The following CNOT6 variants were observed in gnomAD, a reference collection of about 807,000 sequenced individuals.
The protein encoded by CNOT6 is carbon catabolite repression 4 protein.
A neutral mutation model predicts 61.2 loss-of-function variants in CNOT6; 12 were observed. That is an observed-to-expected ratio of 0.20 (90% CI 0.13 to 0.32). The LOEUF (loss-of-function observed/expected upper bound fraction) is 0.32. Ranked by LOEUF, CNOT6 falls within the 10% of genes least tolerant of loss-of-function variation. CNOT6 has a pLI of 1.00. For missense variants in CNOT6, 405 were observed against 663.9 expected, an observed-to-expected ratio of 0.61 and a Z score of 4.28; for synonymous variants, 225 against 240.6, an observed-to-expected ratio of 0.94 and a Z score of 0.60.
At chr5:180,502,321 C>T (rs1379327497) in intron 1 of CNOT6, among the ~76,000 whole-genome samples, 1 of 152,090 alleles carries the variant, frequency 6.6e-6, no homozygotes. Flanking sequence ...TAGAGATTAT[C>T]TGATGTAAAA....
At chr5:180,504,736 C>G (rs962757525) in intron 1 of CNOT6, among the ~76,000 whole-genome samples, 4 of 152,128 alleles carry the variant, frequency 2.6e-5, no homozygotes, top group Non-Finnish European at 5.9e-5. Flanking sequence ...AGTGGGCAGA[C>G]TTTAAAGAGA....
chr5:180,501,861 G>C (rs564589637), intron 1 of CNOT6, among the ~76,000 whole-genome samples: 3 of 152,280 alleles, frequency 2.0e-5, no homozygotes, highest in African/African-American at 7.2e-5. Context: ...TCATCATTGT[G>C]CCCAGGTTTA....
At chr5:180,532,513 T>C (rs1758443999) in intron 2 of CNOT6, among the ~76,000 whole-genome samples, 1 of 152,160 alleles carries the variant, frequency 6.6e-6, no homozygotes, top group South Asian at 2.1e-4. Flanking sequence ...CCCATGTTTT[T>C]TCTTTGCTCT....
intron 1 of CNOT6, among the ~76,000 whole-genome samples, chr5:180,523,673 A>G (rs1446533511): frequency 6.6e-6 from 1 of 151,884 alleles, no homozygotes; most frequent in Non-Finnish European, 1.5e-5. Context: ...ACTTTACTTC[A>G]TATTCTGCTA....
intron 2 of CNOT6, among the ~76,000 whole-genome samples, chr5:180,536,436 C>T (rs1758704093): frequency 6.6e-6 from 1 of 152,074 alleles, no homozygotes; most frequent in Non-Finnish European, 1.5e-5. Flanking sequence ...TGTGCAGAAA[C>T]TTCTTAATGT....
At position 180,577,157 on chromosome 5, in the gene CNOT6, C is replaced by T. The variant is rs1430186721; in HGVS notation, c.*2957C>T. On this transcript the variant is annotated 3_prime_UTR_variant, in exon 12 of 12. Transcript: ENST00000261951. ...TCCCAAAGATAGGCAGAGAACATCT[C>T]CAGAAATGTGTGTGTGTGTGTGTGT... 2 of 66,906 alleles carry T rather than the reference C, an allele frequency of 3.0e-5. No individual in the cohort carries two copies. The highest frequency in any genetic ancestry group is 3.6e-5 in the Non-Finnish European group (1 of 28,022). 4.1% of individuals were successfully genotyped at this position (66,906 alleles called of 1,614,324 possible).
chr5:180,496,841 C>T (rs1034766099), intron 1 of CNOT6, among the ~76,000 whole-genome samples: 20 of 152,128 alleles, frequency 1.3e-4, no homozygotes, highest in African/African-American at 4.8e-4. Flanking sequence ...GCAGCCCAAG[C>T]GGCTCCTCTT....
chr5:180,564,795 C>CAGTCTCTA lies in CNOT6; in HGVS notation c.559+52_559+53insAGTCTCTA, dbSNP rs1760372103. 3.0e-6 allele frequency: 4 copies of CAGTCTCTA among 1,314,150 alleles called. No homozygotes were observed. The East Asian group carries it at 9.2e-5, about 30-fold the overall frequency. 81.4% of individuals were successfully genotyped at this position (1,314,150 alleles called of 1,614,324 possible). On this transcript the variant is annotated intron_variant, in intron 6 of 11. Coordinates refer to ENST00000261951, the MANE Select transcript of CNOT6 (RefSeq NM_001370472.1). Reference sequence around the variant, plus strand: ...TTATTTTTGCTCAGTCTCTATAAGCCTAACAGTATTGTCAGCATGCTTAGA... The same window carrying CAGTCTCTA: ...TTATTTTTGCTCAGTCTCTATAAGCCAGTCTCTATAACAGTATTGTCAGCATGCTTAGA...
In CNOT6 at chr5:180,515,721, A is replaced by G. The variant is rs1253086873; in HGVS notation, c.-2-13554A>G. 2.0e-5 allele frequency among the ~76,000 whole-genome samples: 3 copies of G among 152,032 alleles called. No homozygotes were observed. In the East Asian group the frequency reaches 5.8e-4, roughly 29 times the overall value. ...TACAGTAGCTCTAAGGAGCCTGATT[A>G]CTAAAAAAAAAGGGGGTCTTTCTGC... On this transcript the variant is annotated intron_variant, in intron 1 of 11. Transcript: ENST00000261951.
chr5:180,561,801 A>G (rs1260736547), intron 4 of CNOT6, among the ~76,000 whole-genome samples: 1 of 152,030 alleles, frequency 6.6e-6, no homozygotes, highest in Non-Finnish European at 1.5e-5. Flanking sequence ...TGTCCTCTTT[A>G]TTGCAGGGAG....
chr5:180,536,582 A>G (rs1406603124), intron 2 of CNOT6, among the ~76,000 whole-genome samples: 1 of 152,134 alleles, frequency 6.6e-6, no homozygotes, highest in Non-Finnish European at 1.5e-5. Context: ...AGCTGGGACT[A>G]CAGGTGCACA....
chr5:180,551,108 C>T (rs975243359), intron 3 of CNOT6, among the ~76,000 whole-genome samples: 2 of 151,706 alleles, frequency 1.3e-5, no homozygotes, highest in African/African-American at 4.8e-5. Context: ...CTTTGAGTGG[C>T]TGAGGCGGGC....
intron 1 of CNOT6, among the ~76,000 whole-genome samples, chr5:180,511,749 G>C (rs1757406068): frequency 1.3e-5 from 2 of 152,022 alleles, no homozygotes; most frequent in Non-Finnish European, 2.9e-5. Flanking sequence ...CTGGGCAACA[G>C]AGTGAGACCC....
chr5:180,569,758 A>G (rs1010864693), intron 10 of CNOT6, among the ~76,000 whole-genome samples: 1 of 152,210 alleles, frequency 6.6e-6, no homozygotes, highest in African/African-American at 2.4e-5. Flanking sequence ...TTAGAAAAAT[A>G]CACCTCAGGT....
intron 11 of CNOT6, 31 bp downstream of exon 11, chr5:180,571,463 CCTGT>C (rs757034872): frequency 1.9e-6 from 3 of 1,538,936 alleles, no homozygotes; most frequent in Admixed American, 3.4e-5. Flanking sequence ...GCTTTTCAAA[CCTGT>C]CTTTTACTGG....
intron 4 of CNOT6, among the ~76,000 whole-genome samples, chr5:180,562,216 G>A (rs1347760683): frequency 6.6e-6 from 1 of 152,114 alleles, no homozygotes; most frequent in South Asian, 2.1e-4. Context: ...CCTTTTTTCA[G>A]AGTTTTGTGT....
chr5:180,539,789 C>A (rs969702121), intron 2 of CNOT6, among the ~76,000 whole-genome samples: 2 of 151,782 alleles, frequency 1.3e-5, no homozygotes, highest in African/African-American at 2.4e-5. Context: ...CAGGGCTTCA[C>A]CGTGTTAGCC....
At chr5:180,521,310 A>ATT (rs1282856264) in intron 1 of CNOT6, among the ~76,000 whole-genome samples, 1 of 152,210 alleles carries the variant, frequency 6.6e-6, no homozygotes, top group Admixed American at 6.5e-5. Flanking sequence ...TAGGTAAGAA[A>ATT]TAAGGTAATT....
At chr5:180,556,476 C>T (rs949488590) in intron 4 of CNOT6, among the ~76,000 whole-genome samples, 2 of 152,202 alleles carry the variant, frequency 1.3e-5, no homozygotes, top group African/African-American at 2.4e-5. Flanking sequence ...CTGATTTGAT[C>T]ATTCCACAAT....
Sources: allele counts gnomAD v4.1 joint callset (sites outside exome capture counted in the v4.1 genomes callset), GRCh38; gene constraint gnomAD v4.1.1; transcripts MANE v1.5; gene names NCBI Gene and HGNC (gene_info 2026-07-23, HGNC 2026-07-21).